HEG1: variants seen among roughly 807,000 people sequenced by gnomAD.
HEG1 encodes the protein protein HEG homolog 1.
In HEG1, 56 loss-of-function variants were observed where a neutral mutation model predicts 125.6. The observed-to-expected ratio is 0.45, with a 90% CI of 0.36 to 0.56. HEG1 has a LOEUF of 0.56. HEG1 is among the 20% of genes least tolerant of loss of function. HEG1 has a pLI of 0.00. For synonymous variants in HEG1, 644 were observed against 668.5 expected, an observed-to-expected ratio of 0.96 and a Z score of 0.57; for missense variants, 1,523 against 1,670.0, an observed-to-expected ratio of 0.91 and a Z score of 1.53.
At chr3:125,047,735 A>G (rs114262634) in intron 1 of HEG1, among the ~76,000 whole-genome samples, 371 of 152,328 alleles carry the variant, frequency 2.4e-3, no homozygotes, top group African/African-American at 8.0e-3. Flanking sequence ...CTAGCCCAAC[A>G]TATGATAATC....
chr3:125,045,709 T>A (rs1937652534), intron 1 of HEG1, among the ~76,000 whole-genome samples: 1 of 152,204 alleles, frequency 6.6e-6, no homozygotes, highest in Non-Finnish European at 1.5e-5. Context: ...GATGCCTGAC[T>A]CTCTTAGAGA....
chr3:125,040,258 T>C (rs1270470342), intron 1 of HEG1, among the ~76,000 whole-genome samples: 1 of 151,896 alleles, frequency 6.6e-6, no homozygotes, highest in Non-Finnish European at 1.5e-5. Context: ...AAGGGAAAAA[T>C]CAAGGATCAA....
chr3:125,050,675 T>C (rs971094342), intron 1 of HEG1, among the ~76,000 whole-genome samples: 1 of 152,234 alleles, frequency 6.6e-6, no homozygotes, highest in African/African-American at 2.4e-5. Flanking sequence ...AATCTTGATG[T>C]GTGTGCTCCA....
At chr3:124,977,816 C>T in intron 15 of HEG1, 43 bp downstream of exon 15, 1 of 1,306,722 alleles carries the variant, frequency 7.7e-7, no homozygotes. Context: ...TTGTATAGCA[C>T]AGGCAAAGGA....
At chr3:124,983,807 C>G (rs574552600) in intron 14 of HEG1, among the ~76,000 whole-genome samples, 1 of 152,282 alleles carries the variant, frequency 6.6e-6, no homozygotes, top group East Asian at 1.9e-4. Context: ...TCACTTTCTC[C>G]TGATGTTTTA....
At chr3:124,990,870 CA>C (rs1936821926) in intron 13 of HEG1, 46 bp from the exon 14 acceptor site, 2 of 1,555,790 alleles carry the variant, frequency 1.3e-6, no homozygotes, top group African/African-American at 1.4e-5. Context: ...TTTCCAATCT[CA>C]AAAGAAATAA....
intron 15 of HEG1, among the ~76,000 whole-genome samples, chr3:124,974,942 G>C (rs1409091485): frequency 1.3e-5 from 2 of 152,128 alleles, no homozygotes. Context: ...TCTCTTCTCA[G>C]GAGCCAGCAG....
chr3:125,013,744 G>A lies in HEG1; in HGVS notation c.1835C>T (p.Ser612Leu), dbSNP rs1937198861. 6.2e-7 allele frequency: 1 copy of A among 1,613,968 alleles called. No individual in the cohort carries two copies. The highest frequency in any genetic ancestry group is 8.5e-7 in the Non-Finnish European group (1 of 1,179,836). Residue 612 changes from serine to leucine, a missense_variant, in exon 6 of 17, where the codon TCA becomes TTA. Physicochemically the swap from Ser to Leu is moderately radical, Grantham distance 145. Transcript: ENST00000311127. ...FHAQTERSNI[S>L]SYDGEYAQPS... ...CTGAGCATATTCCCCGTCATAGGATGAGATGTTACTTCTCTCAGTCTGAGC... is the reference window on the plus strand; with the variant it reads ...CTGAGCATATTCCCCGTCATAGGATAAGATGTTACTTCTCTCAGTCTGAGC...
chr3:125,043,875 G>T (rs575803592), intron 1 of HEG1, among the ~76,000 whole-genome samples: 1 of 152,194 alleles, frequency 6.6e-6, no homozygotes, highest in African/African-American at 2.4e-5. Flanking sequence ...GAGGAAGAGG[G>T]GGGAGAGGCG....
intron 12 of HEG1, among the ~76,000 whole-genome samples, chr3:124,993,947 G>A (rs992468635): frequency 8.5e-5 from 13 of 152,242 alleles, no homozygotes; most frequent in East Asian, 3.9e-4. Context: ...GTGCCGTGGC[G>A]CTGTTCTGGG....
At chr3:125,034,634 C>CA (rs990686490) in intron 1 of HEG1, among the ~76,000 whole-genome samples, 2 of 151,794 alleles carry the variant, frequency 1.3e-5, no homozygotes, top group African/African-American at 4.8e-5. Context: ...CTTGTCTCTA[C>CA]AAAAAAATAA....
intron 11 of HEG1, among the ~76,000 whole-genome samples, chr3:124,999,407 G>A (rs562113889): frequency 2.6e-5 from 4 of 152,244 alleles, no homozygotes; most frequent in Non-Finnish European, 5.9e-5. Flanking sequence ...GGCTTTGCCA[G>A]TCCTCAAGCC....
chr3:125,002,176 G>A (rs1219429363), intron 10 of HEG1, 81 bp downstream of exon 10: 2 of 1,515,470 alleles, frequency 1.3e-6, no homozygotes, highest in African/African-American at 2.8e-5. Context: ...AAACAGCCCG[G>A]TTTTGTTGCT....
chr3:125,006,970 C>T (rs577630655), intron 8 of HEG1, among the ~76,000 whole-genome samples: 20 of 151,990 alleles, frequency 1.3e-4, no homozygotes, highest in Non-Finnish European at 2.2e-4. Flanking sequence ...GAGGCCGAGG[C>T]GGGCGGATCA....
intron 9 of HEG1, among the ~76,000 whole-genome samples, chr3:125,002,826 T>C (rs1255201144): frequency 6.6e-6 from 1 of 152,230 alleles, no homozygotes; most frequent in Non-Finnish European, 1.5e-5. Flanking sequence ...AAGAGCCCCT[T>C]TGTTGAGAGC....
At chr3:125,014,124 G>T in intron 5 of HEG1, 134 bp from the exon 6 acceptor site, 2 of 828,318 alleles carry the variant, frequency 2.4e-6, no homozygotes, top group Non-Finnish European at 3.7e-6. Flanking sequence ...TGGAGAGGTG[G>T]TTTTCAAGGG....
rs2107694434 is a variant in HEG1, at chr3:124,997,669, C to T, written c.3652+20G>A. ...GAGTCCCAGGACTGGGCACAGAACC[C>T]CAGGCGAAGCTGTGGCTACCTCGGC... On this transcript the variant is annotated intron_variant, in intron 12 of 16. Transcript: ENST00000311127. 6.4e-7 allele frequency: 1 copy of T among 1,555,266 alleles called. No homozygotes were observed. The highest frequency in any genetic ancestry group is 8.7e-7 in the Non-Finnish European group (1 of 1,144,664).
chr3:125,038,357 C>T (rs1237114865), intron 1 of HEG1, among the ~76,000 whole-genome samples: 1 of 152,226 alleles, frequency 6.6e-6, no homozygotes, highest in African/African-American at 2.4e-5. Flanking sequence ...CTCTTGAAGT[C>T]ACTGGCCTGG....
intron 8 of HEG1, 42 bp downstream of exon 8, chr3:125,009,663 T>C (rs768040196): frequency 1.9e-6 from 3 of 1,558,804 alleles, no homozygotes; most frequent in South Asian, 1.2e-5. Context: ...GTAAAATATA[T>C]TGTGGTACGG....
Sources: allele counts gnomAD v4.1 joint callset (sites outside exome capture counted in the v4.1 genomes callset), GRCh38; gene constraint gnomAD v4.1.1; transcripts MANE v1.5; gene names NCBI Gene and HGNC (gene_info 2026-07-23, HGNC 2026-07-21).